COL5A2: variants seen among roughly 807,000 people sequenced by gnomAD.
COL5A2 encodes collagen alpha-2(V) chain.
Under a neutral mutation model 208.2 loss-of-function variants are expected in COL5A2, and 23 were observed. The ratio of observed to expected loss-of-function variants is 0.11; its 90% CI spans 0.08 to 0.16. COL5A2 has a LOEUF of 0.16. Ranked by LOEUF, COL5A2 falls within the 10% of genes least tolerant of loss-of-function variation. The pLI is 1.00. For missense variants in COL5A2, 1,590 were observed against 1,956.4 expected, an observed-to-expected ratio of 0.81 and a Z score of 3.53; for synonymous variants, 625 against 628.5, an observed-to-expected ratio of 0.99 and a Z score of 0.08.
the COL5A2 span, chr2:189,311,886 C>G: frequency 4.9e-6 from 5 of 1,017,072 alleles, no homozygotes; most frequent in Non-Finnish European, 7.7e-6. Flanking sequence ...TTTACTTCCT[C>G]TTTGTGGTTC....
chr2:189,032,331 G>C lies in COL5A2; in HGVS notation c.*1739C>G, dbSNP rs1029582116. 1.3e-5 allele frequency: 2 copies of C among 152,082 alleles called. No homozygotes were observed. The highest frequency in any genetic ancestry group is 4.8e-5 in the African/African-American group (2 of 41,414). The allele number at this position is 152,082 out of a possible 1,614,324, so 9.4% of individuals were successfully genotyped here. ...CAGAGGCAGTGATAATTGGTGTCAT[G>C]TTGCCTTTGTGGGTAATGTTGTAGA... is the stretch of plus-strand genomic sequence containing the variant. On this transcript the variant is annotated 3_prime_UTR_variant, in exon 54 of 54. Coordinates refer to ENST00000374866, the MANE Select transcript of COL5A2 (RefSeq NM_000393.5).
chr2:189,372,712 C>T, the COL5A2 span, among the ~76,000 whole-genome samples: 7 of 152,078 alleles, frequency 4.6e-5, no homozygotes, highest in Admixed American at 2.0e-4. Flanking sequence ...GCATATATAA[C>T]TCACATACTT....
the COL5A2 span, among the ~76,000 whole-genome samples, chr2:189,354,860 A>C: frequency 1.3e-5 from 2 of 151,802 alleles, no homozygotes; most frequent in Non-Finnish European, 2.9e-5. Context: ...TGCTTCTTTT[A>C]ATTGTGATGT....
At chr2:189,124,732 C>CTT (rs74268947) in intron 1 of COL5A2, among the ~76,000 whole-genome samples, 3 of 132,786 alleles carry the variant, frequency 2.3e-5, no homozygotes, top group South Asian at 2.4e-4. Flanking sequence ...ACTGTGTTTT[C>CTT]TTTTTTTTTT....
chr2:189,148,477 C>T (rs1688082964), intron 1 of COL5A2, among the ~76,000 whole-genome samples: 1 of 151,704 alleles, frequency 6.6e-6, no homozygotes, highest in African/African-American at 2.4e-5. Context: ...AAGATGAAAC[C>T]AAGAAAGAGT....
rs114802345 is a variant in COL5A2 at position 189,055,602 on chromosome 2, A to G, written c.2391+1371T>C. Among the ~76,000 whole-genome samples the G allele has an allele frequency of 4.5e-3, 684 of 152,308 alleles. 6 individuals carry two copies. Among genetic ancestry groups the G allele is most frequent in the Non-Finnish European group, 7.4e-3 (501 of 68,026 alleles). ...TAATTTATGTAATATACTTCTTTAA[A>G]GGATTTGATGAAATATAAATATCAC... On this transcript the variant is annotated intron_variant, in intron 35 of 53. Coordinates refer to ENST00000374866, the MANE Select transcript of COL5A2 (RefSeq NM_000393.5).
chr2:189,368,190 A>C, the COL5A2 span, among the ~76,000 whole-genome samples: 1 of 152,368 alleles, frequency 6.6e-6, no homozygotes, highest in South Asian at 2.1e-4. Context: ...ACATCAAAAC[A>C]GAAAAAGATA....
At chr2:189,430,760 A>G in the COL5A2 span, among the ~76,000 whole-genome samples, 1 of 152,250 alleles carries the variant, frequency 6.6e-6, no homozygotes, top group Non-Finnish European at 1.5e-5. Flanking sequence ...TGGGCAGGGC[A>G]TAGCTGAACA....
At chr2:189,080,141 A>T in intron 13 of COL5A2, 110 bp from the exon 14 acceptor site, 1 of 798,274 alleles carries the variant, frequency 1.3e-6, no homozygotes, top group Non-Finnish European at 2.1e-6. Flanking sequence ...TGAATATCAA[A>T]TTTAAAGTTG....
chr2:189,271,717 C>T, the COL5A2 span, among the ~76,000 whole-genome samples: 1 of 152,124 alleles, frequency 6.6e-6, no homozygotes, highest in Non-Finnish European at 1.5e-5. Flanking sequence ...ACAGAGTGAA[C>T]AGGCAACCTA....
chr2:189,181,388 CTAAG>C (rs760688843), upstream of COL5A2, among the ~76,000 whole-genome samples: 2 of 152,128 alleles, frequency 1.3e-5, no homozygotes, highest in Non-Finnish European at 2.9e-5. Flanking sequence ...AATGAATGGG[CTAAG>C]TAAGGACCAA....
the COL5A2 span, among the ~76,000 whole-genome samples, chr2:189,409,942 G>A: frequency 2.0e-5 from 3 of 152,132 alleles, no homozygotes; most frequent in Admixed American, 6.6e-5. Flanking sequence ...TGAAAAAATA[G>A]AGTTCAATGT....
chr2:189,319,979 T>A, the COL5A2 span, among the ~76,000 whole-genome samples: 616 of 152,296 alleles, frequency 4.0e-3, 7 homozygotes, highest in African/African-American at 0.014. Flanking sequence ...TCCAGAGGAA[T>A]GATCAGACAG....
Position 189,189,725 on chromosome 2 carries a change from A to G in COL5A2, c.-42+35423T>C, listed in dbSNP as rs149475863. On this transcript the variant is annotated intron_variant, in intron 1 of 10. Coordinates refer to the COL5A2 transcript ENST00000649966. ...CATTTGAATTAGAATTTCTATTTAA[A>G]TATCTTCAAGTAATCAATGAGTTCA... Among the ~76,000 whole-genome samples the G allele has an allele frequency of 2.0e-5, 3 of 152,266 alleles. No individual in the cohort carries two copies. The South Asian group carries it at 6.2e-4, about 32-fold the overall frequency.
chr2:189,038,253 C>A (rs531368556), intron 51 of COL5A2, among the ~76,000 whole-genome samples: 1 of 152,098 alleles, frequency 6.6e-6, no homozygotes, highest in Non-Finnish European at 1.5e-5. Context: ...TGCTCATTAG[C>A]TCTTACTTAT....
the COL5A2 span, among the ~76,000 whole-genome samples, chr2:189,366,665 A>T: frequency 1.3e-5 from 2 of 152,146 alleles, no homozygotes; most frequent in African/African-American, 4.8e-5. Context: ...TAAAAGTCAA[A>T]CCTATAAGAT....
At chr2:189,160,768 C>T (rs1188092256) in intron 1 of COL5A2, among the ~76,000 whole-genome samples, 1 of 151,250 alleles carries the variant, frequency 6.6e-6, no homozygotes, top group Non-Finnish European at 1.5e-5. Context: ...CAAAACAATG[C>T]TAATTAATAT....
the COL5A2 span, among the ~76,000 whole-genome samples, chr2:189,404,400 T>C: frequency 6.6e-6 from 1 of 152,188 alleles, no homozygotes; most frequent in East Asian, 1.9e-4. Context: ...TTAGCGCTCC[T>C]GTGTTTTGAG....
intron 1 of COL5A2, among the ~76,000 whole-genome samples, chr2:189,212,179 C>T (rs898249421): frequency 5.3e-5 from 8 of 152,142 alleles, no homozygotes; most frequent in South Asian, 4.1e-4. Context: ...ACATAGACAA[C>T]GTGGCCTCCT....
Sources: allele counts gnomAD v4.1 joint callset (sites outside exome capture counted in the v4.1 genomes callset), GRCh38; gene constraint gnomAD v4.1.1; transcripts MANE v1.5; gene names NCBI Gene and HGNC (gene_info 2026-07-23, HGNC 2026-07-21).